The following CNOT6L variants were observed in gnomAD, a reference collection of about 807,000 sequenced individuals.
CNOT6L encodes CCR4-NOT transcription complex subunit 6 like, also known as CCR4-NOT transcription complex subunit 6-like.
CNOT6L carries 7 observed loss-of-function variants against 64.0 expected under a neutral mutation model. The observed-to-expected ratio is 0.11, with a 90% CI of 0.06 to 0.21. CNOT6L has a LOEUF of 0.21. Among genes scored for constraint, CNOT6L ranks in the 10% least tolerant of loss-of-function variants. CNOT6L has a pLI of 1.00. For synonymous variants in CNOT6L, 193 were observed against 243.4 expected (o/e 0.79, Z 1.93); for missense variants, 245 against 669.0 (o/e 0.37, Z 6.99).
At chr4:77,742,970 G>C (rs1205555992) in intron 7 of CNOT6L, among the ~76,000 whole-genome samples, 1 of 152,112 alleles carries the variant, frequency 6.6e-6, no homozygotes, top group South Asian at 2.1e-4. Context: ...ACAACTAAAT[G>C]TGTCCAATGG....
intron 6 of CNOT6L, among the ~76,000 whole-genome samples, chr4:77,747,098 A>G (rs1241048552): frequency 6.6e-5 from 10 of 152,116 alleles, no homozygotes; most frequent in Admixed American, 1.3e-4. Flanking sequence ...CAAAACTCAC[A>G]AACAAAAGGC....
At chr4:77,811,276 G>A (rs111459980) in intron 1 of CNOT6L, among the ~76,000 whole-genome samples, 6 of 152,282 alleles carry the variant, frequency 3.9e-5, no homozygotes, top group African/African-American at 9.6e-5. Flanking sequence ...AGGGTCGGGC[G>A]CGGTGGCTCA....
rs1445416966 is a variant in CNOT6L at position 77,819,337 on chromosome 4, A to G, written c.-29T>C. On this transcript the variant is annotated 5_prime_UTR_variant, in exon 1 of 12. Coordinates refer to ENST00000504123, the MANE Select transcript of CNOT6L (RefSeq NM_144571.3). The stretch of plus-strand genomic sequence containing the variant: ...CTTCCTCTGGCCCAGAAGCAACAGC[A>G]GCCATTTCCCCGCGGCAGGGGAAAC... 1.9e-6 allele frequency: 3 copies of G among 1,613,372 alleles called. No individual in the cohort carries two copies. The highest frequency in any genetic ancestry group is 2.5e-6 in the Non-Finnish European group (3 of 1,179,618).
At chr4:77,729,927 C>T (rs761405905) in intron 9 of CNOT6L, among the ~76,000 whole-genome samples, 2 of 152,080 alleles carry the variant, frequency 1.3e-5, no homozygotes, top group Non-Finnish European at 2.9e-5. Context: ...CATATACTCA[C>T]ATTCTGTATG....
chr4:77,748,279 T>A, intron 6 of CNOT6L, 37 bp downstream of exon 6: 5 of 1,356,998 alleles, frequency 3.7e-6, no homozygotes, highest in Non-Finnish European at 5.3e-6. Context: ...TTTTAAGAAT[T>A]TCTGAAAAAA....
At chr4:77,788,042 A>G (rs1476825487) in intron 1 of CNOT6L, among the ~76,000 whole-genome samples, 1 of 152,204 alleles carries the variant, frequency 6.6e-6, no homozygotes, top group Non-Finnish European at 1.5e-5. Context: ...ACTTTCTTTG[A>G]CCAAACTTCT....
At chr4:77,785,937 G>C (rs1416183735) in intron 1 of CNOT6L, among the ~76,000 whole-genome samples, 1 of 152,110 alleles carries the variant, frequency 6.6e-6, no homozygotes, top group Non-Finnish European at 1.5e-5. Flanking sequence ...TTGTAGGTGT[G>C]GTAGGGACAG....
chr4:77,743,481 C>T (rs766302270), intron 7 of CNOT6L, among the ~76,000 whole-genome samples: 1 of 149,984 alleles, frequency 6.7e-6, no homozygotes, highest in Admixed American at 6.6e-5. Context: ...TTTTCCCAAG[C>T]AACCTAAAAA....
chr4:77,807,196 T>C (rs542397274), intron 1 of CNOT6L, among the ~76,000 whole-genome samples: 19 of 149,058 alleles, frequency 1.3e-4, no homozygotes, highest in Non-Finnish European at 2.1e-4. Flanking sequence ...GAGAATCGCT[T>C]GAACCAGGGA....
chr4:77,789,217 T>C (rs1021901683), intron 1 of CNOT6L, among the ~76,000 whole-genome samples: 3 of 152,034 alleles, frequency 2.0e-5, no homozygotes, highest in Non-Finnish European at 4.4e-5. Context: ...CCCAAAGTGA[T>C]AGTAAACCCT....
At chr4:77,732,943 G>T (rs1006768071) in intron 8 of CNOT6L, among the ~76,000 whole-genome samples, 2 of 152,090 alleles carry the variant, frequency 1.3e-5, no homozygotes, top group African/African-American at 4.8e-5. Flanking sequence ...AAGCAGATTA[G>T]AAAGTTTGTG....
chr4:77,808,700 T>A (rs1732538063), intron 1 of CNOT6L, among the ~76,000 whole-genome samples: 1 of 152,066 alleles, frequency 6.6e-6, no homozygotes, highest in African/African-American at 2.4e-5. Context: ...ATTACAGTAG[T>A]CTATTAATTT....
chr4:77,773,247 C>T, intron 3 of CNOT6L, 81 bp from the exon 4 acceptor site: 6 of 789,362 alleles, frequency 7.6e-6, no homozygotes, highest in Non-Finnish European at 1.0e-5. Context: ...AAGGCTCCTT[C>T]TAACATACTA....
At chr4:77,813,667 T>C (rs546667643) in intron 1 of CNOT6L, among the ~76,000 whole-genome samples, 8 of 152,272 alleles carry the variant, frequency 5.3e-5, no homozygotes, top group African/African-American at 1.4e-4. Flanking sequence ...AAAAGCATCA[T>C]TAGCCATCAG....
chr4:77,772,850 G>A (rs1207485343), intron 4 of CNOT6L, among the ~76,000 whole-genome samples: 1 of 152,146 alleles, frequency 6.6e-6, no homozygotes, highest in Non-Finnish European at 1.5e-5. Flanking sequence ...ATGAAGCCAG[G>A]AGGCAGAGCT....
rs539856427 is a variant in CNOT6L, at chr4:77,755,104, T to C, written c.490+1758A>G. Among the ~76,000 whole-genome samples, 9 of 151,452 alleles carry C rather than the reference T, an allele frequency of 5.9e-5. 1 individual carries two copies. The South Asian group carries it at 1.9e-3, about 31-fold the overall frequency. ...TTTAATAATAGCATGGGAGCACATA[T>C]TTGCAACATATTACCAAAAAAAAGC... is the stretch of plus-strand genomic sequence containing the variant. On this transcript the variant is annotated intron_variant, in intron 5 of 11. Transcript: ENST00000504123.
chr4:77,737,406 C>CTTTT (rs56952956), intron 8 of CNOT6L, among the ~76,000 whole-genome samples: 128 of 82,368 alleles, frequency 1.6e-3, no homozygotes, highest in African/African-American at 3.9e-3. Flanking sequence ...TTGTACCGTT[C>CTTTT]TTTTTTTTTT....
chr4:77,790,815 A>ATTT (rs35909833), intron 1 of CNOT6L, among the ~76,000 whole-genome samples: 2 of 128,700 alleles, frequency 1.6e-5, no homozygotes, highest in Admixed American at 7.9e-5. Flanking sequence ...CGCCTGGCTG[A>ATTT]TTTTTTTTTT....
In CNOT6L at chr4:77,788,377, T is replaced by C. The variant is rs138640636; in HGVS notation, c.6-11985A>G. Among the ~76,000 whole-genome samples, 148 of 152,320 alleles carry C rather than the reference T, an allele frequency of 9.7e-4. No individual in the cohort carries two copies. In the East Asian group the frequency reaches 0.016, roughly 16 times the overall value. ...ACATGCATGATAAGGTTAACAGTTT[T>C]AAACATGCTAAGAGATTACATAATA... On this transcript the variant is annotated intron_variant, in intron 1 of 11. Transcript: ENST00000504123.
Sources: allele counts gnomAD v4.1 joint callset (sites outside exome capture counted in the v4.1 genomes callset), GRCh38; gene constraint gnomAD v4.1.1; transcripts MANE v1.5; gene names NCBI Gene and HGNC (gene_info 2026-07-23, HGNC 2026-07-21).